The following SNCB variants were observed in gnomAD, a reference collection of about 807,000 sequenced individuals.
SNCB encodes synuclein beta.
SNCB carries 8 observed loss-of-function variants against 20.0 expected under a neutral mutation model. That is an observed-to-expected ratio of 0.40 (90% CI 0.24 to 0.72). SNCB has a LOEUF of 0.72. Among genes scored for constraint, SNCB ranks in the 30% least tolerant of loss-of-function variants. The probability of loss-of-function intolerance (pLI) is 0.37; values close to 1 mark genes in which losing one functional copy is unlikely to be tolerated. For synonymous variants in SNCB, 56 were observed against 65.4 expected (o/e 0.86, Z 0.69); for missense variants, 125 against 168.0 (o/e 0.74, Z 1.41).
intron 4 of SNCB, among the ~76,000 whole-genome samples, chr5:176,623,071 T>C (rs1415115439): frequency 6.6e-6 from 1 of 151,808 alleles, no homozygotes; most frequent in African/African-American, 2.4e-5. Flanking sequence ...AACACCCAAC[T>C]AGTGTTGTGC....
At position 176,620,879 on chromosome 5, in the gene SNCB, C is replaced by G. The variant is rs774936997; in HGVS notation, c.373-36G>C. On this transcript the variant is annotated intron_variant, in intron 5 of 5. Coordinates refer to ENST00000393693, the MANE Select transcript of SNCB (RefSeq NM_003085.5). This position sits in a 1 kb window ranked among gnomAD's most constrained non-coding sequence, Gnocchi z 4.5. ...GGGATGGGGGTGGAGTAGAGAAGAG[C>G]AAAAAGGAGGAGGAGTTTGAGACCA... The G allele has an allele frequency of 1.3e-5, 21 of 1,604,814 alleles. No individual in the cohort carries two copies. The highest frequency in any genetic ancestry group is 1.6e-4 in the Middle Eastern group (1 of 6,076).
rs1018949825 is a variant in SNCB, at chr5:176,626,018, T to C, written c.282+380A>G. ...TGTCAGCTGCAGGAACGTAGGAACC[T>C]ATTCACTGCGGCAGCCTCTACAACA... On this transcript the variant is annotated intron_variant, in intron 4 of 5. Coordinates refer to ENST00000393693, the MANE Select transcript of SNCB (RefSeq NM_003085.5). The surrounding 1 kb of genome is among the most constrained non-coding windows in gnomAD (Gnocchi z 4.2). Among the ~76,000 whole-genome samples the C allele has an allele frequency of 4.6e-5, 7 of 152,234 alleles. No individual in the cohort carries two copies. The highest frequency in any genetic ancestry group is 8.8e-5 in the Non-Finnish European group (6 of 68,042).
chr5:176,620,703 G>T lies in SNCB; in HGVS notation c.*108C>A. 1.2e-6 allele frequency: 1 copy of T among 830,226 alleles called. No individual in the cohort carries two copies. The highest frequency in any genetic ancestry group is 2.1e-6 in the Non-Finnish European group (1 of 467,114). The allele number at this position is 830,226 out of a possible 1,614,324, so 51.4% of individuals were successfully genotyped here. ...CCGAGGGGGTTGCCTCAGAGCGGAAGGAAGATCTCGTGATTGGGGAGAAGG... is the reference window on the plus strand; with the variant it reads ...CCGAGGGGGTTGCCTCAGAGCGGAATGAAGATCTCGTGATTGGGGAGAAGG... On this transcript the variant is annotated 3_prime_UTR_variant, in exon 6 of 6. Coordinates refer to ENST00000393693, the MANE Select transcript of SNCB (RefSeq NM_003085.5). The surrounding 1 kb of genome is among the most constrained non-coding windows in gnomAD (Gnocchi z 4.5).
chr5:176,629,157 C>G lies in SNCB; in HGVS notation c.121+377G>C, dbSNP rs183437371. ...AGTTTCCCTTACCTGTAGAATGGGC[C>G]GAAGCATTACATGAGGAAATGGATG... is the stretch of plus-strand genomic sequence containing the variant. On this transcript the variant is annotated intron_variant, in intron 2 of 5. Coordinates refer to ENST00000393693, the MANE Select transcript of SNCB (RefSeq NM_003085.5). The surrounding 1 kb of genome is among the most constrained non-coding windows in gnomAD (Gnocchi z 4.1). 6.6e-6 allele frequency among the ~76,000 whole-genome samples: 1 copy of G among 151,938 alleles called. No homozygotes were observed. Among genetic ancestry groups the G allele is most frequent in the Non-Finnish European group, 1.5e-5 (1 of 67,992 alleles).
intron 2 of SNCB, among the ~76,000 whole-genome samples, chr5:176,627,180 A>T (rs2113406127): frequency 6.6e-6 from 1 of 152,176 alleles, no homozygotes; most frequent in East Asian, 1.9e-4. Flanking sequence ...TTCTGACCCT[A>T]AAACTTTAGC....
At chr5:176,622,797 T>G (rs745899625) in intron 4 of SNCB, among the ~76,000 whole-genome samples, 7 of 148,080 alleles carry the variant, frequency 4.7e-5, no homozygotes, top group Non-Finnish European at 7.4e-5. Flanking sequence ...TGCGCAGTGG[T>G]GTGATCTCGG....
chr5:176,627,019 T>C (rs1168909375), intron 2 of SNCB, among the ~76,000 whole-genome samples: 2 of 152,204 alleles, frequency 1.3e-5, no homozygotes, highest in Non-Finnish European at 2.9e-5. Context: ...TGAGGGCCAG[T>C]GCTGTGTCAA....
chr5:176,627,193 C>T (rs552147117), intron 2 of SNCB, among the ~76,000 whole-genome samples: 17 of 152,322 alleles, frequency 1.1e-4, no homozygotes, highest in Middle Eastern at 3.4e-3. Context: ...ACTTTAGCTA[C>T]CAACCACTCT....
At chr5:176,627,509 G>A (rs1162603291) in intron 2 of SNCB, among the ~76,000 whole-genome samples, 2 of 152,378 alleles carry the variant, frequency 1.3e-5, no homozygotes, top group Admixed American at 1.3e-4. Context: ...ACTTCAAAAT[G>A]TCTGGGGGCC....
rs1760328437 is a variant in SNCB, at chr5:176,630,510, C to T, written c.-240G>A. ...GAGCTCGCGCGCTCCGGCTCCGGCTCCGGCTCCGGCGCTGCGGCAGCTCTG... is the reference window on the plus strand; with the variant it reads ...GAGCTCGCGCGCTCCGGCTCCGGCTTCGGCTCCGGCGCTGCGGCAGCTCTG... On this transcript the variant is annotated 5_prime_UTR_variant, in exon 1 of 6. Transcript: ENST00000393693. 6.5e-6 allele frequency: 1 copy of T among 153,674 alleles called. No homozygotes were observed. The highest frequency in any genetic ancestry group is 2.4e-5 in the African/African-American group (1 of 41,442). 9.5% of individuals were successfully genotyped at this position (153,674 alleles called of 1,614,324 possible).
At chr5:176,628,602 C>T (rs189950431) in intron 2 of SNCB, among the ~76,000 whole-genome samples, 2 of 152,296 alleles carry the variant, frequency 1.3e-5, no homozygotes, top group African/African-American at 4.8e-5. Flanking sequence ...CTGCCCTGCC[C>T]CCAGCTCACC....
Position 176,626,562 on chromosome 5 carries a change from A to T in SNCB, c.164-46T>A. 2 of 1,540,284 alleles carry T rather than the reference A, an allele frequency of 1.3e-6. No individual in the cohort carries two copies. Among genetic ancestry groups the T allele is most frequent in the Non-Finnish European group, 1.8e-6 (2 of 1,112,836 alleles). On this transcript the variant is annotated intron_variant, in intron 3 of 5. Transcript: ENST00000393693. This position sits in a 1 kb window ranked among gnomAD's most constrained non-coding sequence, Gnocchi z 4.2. The stretch of plus-strand genomic sequence containing the variant: ...AGGAAGGGGTTTGGGAGCCAGGGGG[A>T]AACACCGATGCCCTGCCTTGTAGTA...
rs1317475185 is a variant in SNCB at position 176,621,369 on chromosome 5, A to G, written c.283-66T>C. 2.2e-6 allele frequency: 3 copies of G among 1,362,522 alleles called. No homozygotes were observed. Among genetic ancestry groups the G allele is most frequent in the Non-Finnish European group, 3.1e-6 (3 of 965,024 alleles). The allele number at this position is 1,362,522 out of a possible 1,614,324, so 84.4% of individuals were successfully genotyped here. On this transcript the variant is annotated intron_variant, in intron 4 of 5. Transcript: ENST00000393693. The surrounding 1 kb of genome is among the most constrained non-coding windows in gnomAD (Gnocchi z 4.1). ...ATGCCCCCCAAATTCCCACAGTGGT[A>G]AGCTTTGGGTGGGTTGGAGTGGGGA...
rs797013332 is a variant in SNCB at position 176,621,727 on chromosome 5, C to T, written c.283-424G>A. Among the ~76,000 whole-genome samples, 3 of 152,310 alleles carry T rather than the reference C, an allele frequency of 2.0e-5. No homozygotes were observed. The highest frequency in any genetic ancestry group is 7.2e-5 in the African/African-American group (3 of 41,572). On this transcript the variant is annotated intron_variant, in intron 4 of 5. Coordinates refer to ENST00000393693, the MANE Select transcript of SNCB (RefSeq NM_003085.5). The surrounding 1 kb of genome is among the most constrained non-coding windows in gnomAD (Gnocchi z 4.1). The stretch of plus-strand genomic sequence containing the variant: ...GGCTGGGCAGGGGCTCTGAGCCATT[C>T]CCCCGCCACCTTCCACTCATCCCTC...
chr5:176,627,484 G>A (rs1478399889), intron 2 of SNCB, among the ~76,000 whole-genome samples: 1 of 152,262 alleles, frequency 6.6e-6, no homozygotes, highest in Non-Finnish European at 1.5e-5. Flanking sequence ...TTCCTCGGAG[G>A]GTAGCAACTT....
intron 2 of SNCB, among the ~76,000 whole-genome samples, chr5:176,628,301 G>A (rs1471215609): frequency 2.0e-5 from 3 of 152,044 alleles, no homozygotes; most frequent in African/African-American, 7.3e-5. Flanking sequence ...TGGGGAGGAG[G>A]CAGGAGGGAG....
chr5:176,624,555 C>G (rs1055414678), intron 4 of SNCB, among the ~76,000 whole-genome samples: 1 of 152,082 alleles, frequency 6.6e-6, no homozygotes, highest in Non-Finnish European at 1.5e-5. Context: ...AATCCCAGCA[C>G]TCTGGGAGGC....
At chr5:176,628,584 A>T in intron 2 of SNCB, among the ~76,000 whole-genome samples, 2 of 151,876 alleles carry the variant, frequency 1.3e-5, no homozygotes, top group South Asian at 4.2e-4. Flanking sequence ...ACCTCCTACC[A>T]CTACTTCCTG....
chr5:176,623,023 G>C (rs374632392), intron 4 of SNCB, among the ~76,000 whole-genome samples: 4 of 152,118 alleles, frequency 2.6e-5, no homozygotes, highest in East Asian at 3.9e-4. Context: ...ATGAGCCACT[G>C]TGCCCAGCCT....
Sources: allele counts gnomAD v4.1 joint callset (sites outside exome capture counted in the v4.1 genomes callset), GRCh38; gene constraint gnomAD v4.1.1; non-coding constraint Gnocchi (gnomAD v3.1); transcripts MANE v1.5; gene names NCBI Gene and HGNC (gene_info 2026-07-23, HGNC 2026-07-21).